LARGE1: variants seen among roughly 807,000 people sequenced by gnomAD.
LARGE1 encodes LARGE xylosyl- and glucuronyltransferase 1.
LARGE1 carries 43 observed loss-of-function variants against 87.6 expected under a neutral mutation model. That is an observed-to-expected ratio of 0.49 (90% confidence interval 0.38 to 0.63). LARGE1 has a LOEUF of 0.63. Ranked by LOEUF, LARGE1 falls within the 30% of genes least tolerant of loss-of-function variation. The pLI is 0.00. For synonymous variants in LARGE1, 434 were observed against 394.6 expected (o/e 1.10, Z -1.18); for missense variants, 802 against 1,000.2 (o/e 0.80, Z 2.67).
At chr22:33,775,356 T>C (rs2145847115) in intron 1 of LARGE1, among the ~76,000 whole-genome samples, 1 of 152,332 alleles carries the variant, frequency 6.6e-6, no homozygotes, top group East Asian at 1.9e-4. Flanking sequence ...TCACACCTTC[T>C]AATCCAGGAA....
chr22:33,401,199 T>C (rs2147315518), intron 7 of LARGE1, among the ~76,000 whole-genome samples: 1 of 152,266 alleles, frequency 6.6e-6, no homozygotes, highest in South Asian at 2.1e-4. Context: ...TCCCTTTGTA[T>C]CTTGTTATGA....
At chr22:33,736,902 C>T (rs1010847740) in intron 2 of LARGE1, among the ~76,000 whole-genome samples, 1 of 152,170 alleles carries the variant, frequency 6.6e-6, no homozygotes, top group Non-Finnish European at 1.5e-5. Context: ...AAATAACTTG[C>T]CATGGTCACA....
At chr22:33,587,811 T>C (rs957224408) in intron 5 of LARGE1, among the ~76,000 whole-genome samples, 3 of 152,276 alleles carry the variant, frequency 2.0e-5, no homozygotes, top group Admixed American at 1.3e-4. Flanking sequence ...ATTTTTCTTC[T>C]AGTTTTGTTT....
At chr22:33,276,672 C>G (rs535463093) in intron 14 of LARGE1, among the ~76,000 whole-genome samples, 24 of 152,358 alleles carry the variant, frequency 1.6e-4, no homozygotes, top group African/African-American at 4.6e-4. Flanking sequence ...GGTGGAATAA[C>G]TAGCTGCATC....
intron 11 of LARGE1, among the ~76,000 whole-genome samples, chr22:33,175,066 C>T (rs1041477893): frequency 6.6e-6 from 1 of 152,116 alleles, no homozygotes. Flanking sequence ...TGAGGAACAT[C>T]GATGTGAAAA....
At chr22:33,203,373 T>C (rs140878526) in intron 11 of LARGE1, among the ~76,000 whole-genome samples, 6 of 152,148 alleles carry the variant, frequency 3.9e-5, no homozygotes, top group South Asian at 2.1e-4. Flanking sequence ...GAACCAGGCT[T>C]GTGAATTAGC....
intron 2 of LARGE1, chr22:33,743,345 C>A (rs2083959560): frequency 6.6e-6 from 1 of 152,280 alleles, no homozygotes; most frequent in Non-Finnish European, 1.5e-5. Context: ...ATGTCCTGAA[C>A]CAGCCATGGA....
At chr22:33,787,389 G>A (rs549302985) in intron 1 of LARGE1, among the ~76,000 whole-genome samples, 1 of 152,140 alleles carries the variant, frequency 6.6e-6, no homozygotes, top group African/African-American at 2.4e-5. Flanking sequence ...ATCTTCATGG[G>A]TGATATCTCA....
intron 1 of LARGE1, among the ~76,000 whole-genome samples, chr22:33,761,893 A>G (rs1361582835): frequency 2.0e-5 from 3 of 152,136 alleles, no homozygotes; most frequent in African/African-American, 7.2e-5. Context: ...GTTATGTACC[A>G]CGTATGAACC....
intron 9 of LARGE1, among the ~76,000 whole-genome samples, chr22:33,355,560 G>A (rs372500657): frequency 6.6e-6 from 1 of 152,240 alleles, no homozygotes; most frequent in East Asian, 1.9e-4. Flanking sequence ...TGCTCACCTT[G>A]GTTACTCTTC....
intron 5 of LARGE1, among the ~76,000 whole-genome samples, chr22:33,593,441 C>G (rs71313168): frequency 0.092 from 14,028 of 152,202 alleles, 782 homozygotes; most frequent in Middle Eastern, 0.15. Flanking sequence ...GGGTCTCTGT[C>G]TATTTTGCTC....
chr22:33,651,801 GGT>G (rs1241958075), intron 2 of LARGE1, among the ~76,000 whole-genome samples: 1 of 152,138 alleles, frequency 6.6e-6, no homozygotes, highest in South Asian at 2.1e-4. Flanking sequence ...CCCATCTCAT[GGT>G]TTTCCCAGAA....
At chr22:33,770,768 T>C (rs996248633) in intron 1 of LARGE1, among the ~76,000 whole-genome samples, 1 of 152,144 alleles carries the variant, frequency 6.6e-6, no homozygotes, top group Non-Finnish European at 1.5e-5. Context: ...ATTTTATGTG[T>C]ATGTGTGTGC....
the LARGE1 span, among the ~76,000 whole-genome samples, chr22:33,082,593 C>T: frequency 6.6e-6 from 1 of 152,172 alleles, no homozygotes. Context: ...TACTTATTCA[C>T]TCACTGTGCA....
In LARGE1 at chr22:33,622,488, T is replaced by C. The variant is rs1287751698; in HGVS notation, c.491+3756A>G. Among the ~76,000 whole-genome samples the C allele has an allele frequency of 1.6e-4, 25 of 152,224 alleles. 1 individual carries two copies. Among genetic ancestry groups the C allele is most frequent in the Admixed American group, 1.6e-3 (25 of 15,278 alleles). ...AGTCTCAAGCAGTTCTTTATAGTAGTATGAAAATGGACTAACACAGGTGCT... is the reference window on the plus strand; with the variant it reads ...AGTCTCAAGCAGTTCTTTATAGTAGCATGAAAATGGACTAACACAGGTGCT... On this transcript the variant is annotated intron_variant, in intron 4 of 14. Coordinates refer to ENST00000397394, the MANE Select transcript of LARGE1 (RefSeq NM_133642.5).
Position 33,513,964 on chromosome 22 carries a change from C to T in LARGE1, c.787+50884G>A, listed in dbSNP as rs1250115145. On this transcript the variant is annotated intron_variant, in intron 6 of 14. Transcript: ENST00000397394. ...TTTTCTATGTTGAGATACACAAATACTTACCATTTTGTTACAACTGCCTAC... is the reference window on the plus strand; with the variant it reads ...TTTTCTATGTTGAGATACACAAATATTTACCATTTTGTTACAACTGCCTAC... 7.2e-5 allele frequency among the ~76,000 whole-genome samples: 11 copies of T among 152,214 alleles called. No homozygotes were observed. The South Asian group carries it at 2.3e-3, about 32-fold the overall frequency.
chr22:33,121,447 C>T, the LARGE1 span, among the ~76,000 whole-genome samples: 1 of 152,204 alleles, frequency 6.6e-6, no homozygotes, highest in Non-Finnish European at 1.5e-5. Context: ...TGTGATCACA[C>T]TCTTTTAGAG....
chr22:33,713,376 C>T (rs543831041), intron 2 of LARGE1, among the ~76,000 whole-genome samples: 1 of 152,222 alleles, frequency 6.6e-6, no homozygotes, highest in South Asian at 2.1e-4. Context: ...GCTAGGAATC[C>T]CCCCTGCTAT....
chr22:33,507,552 G>C (rs2070824936), intron 6 of LARGE1, among the ~76,000 whole-genome samples: 1 of 152,126 alleles, frequency 6.6e-6, no homozygotes, highest in South Asian at 2.1e-4. Context: ...GCTGGGGGAG[G>C]GGAGAATGTA....
Sources: gnomAD v4.1 joint callset for allele counts (sites outside exome capture counted in the v4.1 genomes callset) on GRCh38, gnomAD v4.1.1 for gene constraint, MANE v1.5 for transcripts, NCBI Gene and HGNC (gene_info 2026-07-23, HGNC 2026-07-21) for gene names.